The following AGBL4 variants were observed in gnomAD, a reference collection of about 807,000 sequenced individuals.
AGBL4 encodes cytosolic carboxypeptidase 6.
A neutral mutation model predicts 66.4 loss-of-function variants in AGBL4; 58 were observed. The ratio of observed to expected loss-of-function variants is 0.87; its 90% CI spans 0.71 to 1.09. The LOEUF (loss-of-function observed/expected upper bound fraction) is 1.09. AGBL4 is among the 50% of genes least tolerant of loss of function. AGBL4 has a pLI of 0.00. For synonymous variants in AGBL4, 234 were observed against 222.9 expected (o/e 1.05, Z -0.44); for missense variants, 579 against 631.0 (o/e 0.92, Z 0.88).
chr1:49,881,135 T>C (rs1557544030), intron 1 of AGBL4, among the ~76,000 whole-genome samples: 1 of 152,164 alleles, frequency 6.6e-6, no homozygotes, highest in Non-Finnish European at 1.5e-5. Context: ...TCGCTCACGC[T>C]GGGAGCTGTA....
At chr1:49,286,809 T>A (rs1375539449) in intron 3 of AGBL4, among the ~76,000 whole-genome samples, 1 of 152,130 alleles carries the variant, frequency 6.6e-6, no homozygotes, top group South Asian at 2.1e-4. Flanking sequence ...ACAGATTCAA[T>A]GCCATCCCCA....
chr1:49,547,648 T>C (rs2148832411), intron 3 of AGBL4, among the ~76,000 whole-genome samples: 1 of 152,316 alleles, frequency 6.6e-6, no homozygotes, highest in Middle Eastern at 3.4e-3. Flanking sequence ...TGAAATGTAT[T>C]TGTGTAGTCT....
chr1:49,625,482 A>T (rs967245218), intron 3 of AGBL4, among the ~76,000 whole-genome samples: 4 of 152,182 alleles, frequency 2.6e-5, no homozygotes, highest in Admixed American at 6.5e-5. Context: ...CTTAGCAAGT[A>T]CTGAAAGTAA....
At chr1:48,741,577 G>T (rs1385158238) in intron 6 of AGBL4, among the ~76,000 whole-genome samples, 1 of 152,362 alleles carries the variant, frequency 6.6e-6, no homozygotes, top group South Asian at 2.1e-4. Context: ...CCACATCCAA[G>T]AGAGTCCTGA....
At chr1:49,711,413 A>C (rs1558183564) in intron 2 of AGBL4, among the ~76,000 whole-genome samples, 1 of 152,150 alleles carries the variant, frequency 6.6e-6, no homozygotes, top group Non-Finnish European at 1.5e-5. Flanking sequence ...AAGAAAAAGA[A>C]ATGAATTATC....
intron 6 of AGBL4, among the ~76,000 whole-genome samples, chr1:48,735,293 G>A (rs901873137): frequency 5.3e-5 from 8 of 152,080 alleles, no homozygotes; most frequent in African/African-American, 1.9e-4. Context: ...TCTTCCCTGT[G>A]AGAATATGAA....
chr1:48,837,905 AG>A, intron 6 of AGBL4, among the ~76,000 whole-genome samples: 1 of 151,698 alleles, frequency 6.6e-6, no homozygotes, highest in South Asian at 2.1e-4. Context: ...AAGCCATTAA[AG>A]GGTTTTAATC....
rs555242454 is a variant in AGBL4 at position 49,137,816 on chromosome 1, C to G, written c.378-92016G>C. 2.6e-5 allele frequency among the ~76,000 whole-genome samples: 4 copies of G among 152,180 alleles called. No homozygotes were observed. The South Asian group carries it at 8.3e-4, about 32-fold the overall frequency. ...CCAACATCTTCTCAGACATTTAAAT[C>G]AAGACCTACAAAACCATTTATGCTA... On this transcript the variant is annotated intron_variant, in intron 4 of 13. Coordinates refer to ENST00000371839, the MANE Select transcript of AGBL4 (RefSeq NM_032785.4).
intron 3 of AGBL4, among the ~76,000 whole-genome samples, chr1:49,289,132 G>C (rs543230296): frequency 6.6e-5 from 10 of 151,654 alleles, no homozygotes; most frequent in Admixed American, 3.9e-4. Flanking sequence ...GAATATTTTT[G>C]GCAAAATAGA....
intron 3 of AGBL4, among the ~76,000 whole-genome samples, chr1:49,538,694 TACTC>T (rs1651789436): frequency 6.6e-6 from 1 of 152,050 alleles, no homozygotes; most frequent in Admixed American, 6.5e-5. Context: ...GATGCAAAAA[TACTC>T]AAACTCACTA....
chr1:49,756,593 T>G (rs1651903600), intron 2 of AGBL4, among the ~76,000 whole-genome samples: 1 of 152,202 alleles, frequency 6.6e-6, no homozygotes, highest in African/African-American at 2.4e-5. Context: ...TGAATTGTAG[T>G]TCCCATAATC....
chr1:48,603,649 GA>G (rs1300633572), intron 9 of AGBL4, among the ~76,000 whole-genome samples: 1 of 152,108 alleles, frequency 6.6e-6, no homozygotes, highest in Non-Finnish European at 1.5e-5. Flanking sequence ...AGTGTTTTAT[GA>G]AATTATAACA....
chr1:48,712,455 C>T (rs1646983359), intron 6 of AGBL4, among the ~76,000 whole-genome samples: 1 of 152,116 alleles, frequency 6.6e-6, no homozygotes. Flanking sequence ...CAAAATGAGG[C>T]CTTTACCTCT....
At chr1:48,687,730 G>C (rs550392017) in intron 6 of AGBL4, among the ~76,000 whole-genome samples, 4 of 152,320 alleles carry the variant, frequency 2.6e-5, no homozygotes, top group Admixed American at 2.6e-4. Context: ...CTGCCTCAGT[G>C]CTCACAGAGT....
At chr1:48,565,521 C>A (rs991258383) in intron 11 of AGBL4, among the ~76,000 whole-genome samples, 1 of 152,150 alleles carries the variant, frequency 6.6e-6, no homozygotes, top group African/African-American at 2.4e-5. Flanking sequence ...GGTTCCTCAA[C>A]TTCTTGTTTT....
At chr1:49,564,712 G>A (rs1183221687) in intron 3 of AGBL4, among the ~76,000 whole-genome samples, 1 of 152,174 alleles carries the variant, frequency 6.6e-6, no homozygotes, top group Non-Finnish European at 1.5e-5. Flanking sequence ...TTGCTGTGGA[G>A]TGCTTTACTT....
chr1:49,044,424 G>A (rs1557591745), intron 5 of AGBL4, among the ~76,000 whole-genome samples: 1 of 151,948 alleles, frequency 6.6e-6, no homozygotes, highest in Non-Finnish European at 1.5e-5. Context: ...GGGAGGCAGA[G>A]GTTGCAGTGA....
At chr1:49,003,035 A>G (rs757329122) in intron 5 of AGBL4, among the ~76,000 whole-genome samples, 1 of 152,198 alleles carries the variant, frequency 6.6e-6, no homozygotes, top group Non-Finnish European at 1.5e-5. Flanking sequence ...AGAAGAACAT[A>G]CCTTGTTTTA....
chr1:49,905,534 G>A (rs1468489817), intron 1 of AGBL4, among the ~76,000 whole-genome samples: 1 of 152,124 alleles, frequency 6.6e-6, no homozygotes, highest in African/African-American at 2.4e-5. Flanking sequence ...GCAGAAAGCT[G>A]AAAACAGAAT....
Sources: gnomAD v4.1 joint callset for allele counts (sites outside exome capture counted in the v4.1 genomes callset) on GRCh38, gnomAD v4.1.1 for gene constraint, MANE v1.5 for transcripts, NCBI Gene and HGNC (gene_info 2026-07-23, HGNC 2026-07-21) for gene names.